CD4: variants seen among roughly 807,000 people sequenced by gnomAD.
CD4 encodes CD4 molecule.
CD4 carries 25 observed loss-of-function variants against 50.5 expected under a neutral mutation model. The ratio of observed to expected loss-of-function variants is 0.49; its 90% CI spans 0.36 to 0.69. The LOEUF (loss-of-function observed/expected upper bound fraction) is 0.69. Among genes scored for constraint, CD4 ranks in the 30% least tolerant of loss-of-function variants. The probability of loss-of-function intolerance (pLI) is 0.00; values close to 1 mark genes in which losing one functional copy is unlikely to be tolerated. For synonymous variants in CD4, 207 were observed against 221.9 expected (o/e 0.93, Z 0.60); for missense variants, 456 against 548.5 (o/e 0.83, Z 1.68).
At chr12:6,819,158 G>A in intron 9 of CD4, 141 bp from the exon 10 acceptor site, 1 of 866,898 alleles carries the variant, frequency 1.2e-6, no homozygotes, top group Non-Finnish European at 1.9e-6. Context: ...GGAGGATGGA[G>A]CTGAAGGAGC....
In CD4 at chr12:6,819,612, T is replaced by C; in HGVS notation, c.*283T>C. ...TCTCTGACCCTCTCCCCACTGCTCA[T>C]TTGGATCCCAGGGGAGTGTTCAGGG... On this transcript the variant is annotated 3_prime_UTR_variant, in exon 10 of 10. Transcript: ENST00000011653. 2.1e-6 allele frequency: 1 copy of C among 485,380 alleles called. No homozygotes were observed. Among genetic ancestry groups the C allele is most frequent in the Non-Finnish European group, 3.7e-6 (1 of 266,770 alleles). The allele number at this position is 485,380 out of a possible 1,614,324, so 30.1% of individuals were successfully genotyped here.
At chr12:6,797,153 G>T (rs743600) in intron 1 of CD4, among the ~76,000 whole-genome samples, 1 of 152,054 alleles carries the variant, frequency 6.6e-6, no homozygotes, top group East Asian at 1.9e-4. Flanking sequence ...TCATGTTGCC[G>T]CTGCTACTGA....
intron 3 of CD4, among the ~76,000 whole-genome samples, chr12:6,812,981 C>T (rs1249386789): frequency 6.6e-6 from 1 of 151,864 alleles, no homozygotes; most frequent in Non-Finnish European, 1.5e-5. Context: ...GATCATAGCT[C>T]ACTGCAGCCT....
intron 7 of CD4, among the ~76,000 whole-genome samples, chr12:6,817,752 CAT>C (rs1555118188): frequency 1.4e-4 from 19 of 139,488 alleles, no homozygotes; most frequent in African/African-American, 5.8e-4. Context: ...CGCACACACT[CAT>C]ACACACACTA....
chr12:6,803,458 TTAA>T (rs1555115687), intron 3 of CD4, among the ~76,000 whole-genome samples: 1 of 149,216 alleles, frequency 6.7e-6, no homozygotes. Flanking sequence ...CAGTGAACAC[TTAA>T]TAATATCTAT....
Position 6,818,811 on chromosome 12 carries a change from G to A in CD4, c.1279-36G>A, listed in dbSNP as rs1555118534. 1 of 1,593,792 alleles carries A rather than the reference G, an allele frequency of 6.3e-7. No individual in the cohort carries two copies. Among genetic ancestry groups the A allele is most frequent in the Non-Finnish European group, 8.6e-7 (1 of 1,161,518 alleles). ...AGGGGCACCTCCCTTCTGGAGGCCT[G>A]GGACCCTCGTGACTCCCTTTCTTGT... On this transcript the variant is annotated intron_variant, in intron 8 of 9. Transcript: ENST00000011653. This position sits in a 1 kb window ranked among gnomAD's most constrained non-coding sequence, Gnocchi z 5.0.
chr12:6,819,057 G>C, intron 9 of CD4, 143 bp downstream of exon 9: 1 of 718,208 alleles, frequency 1.4e-6, no homozygotes, highest in Non-Finnish European at 2.4e-6. Flanking sequence ...GCTGGGAGGG[G>C]TGGAGGTGAG....
chr12:6,799,483 G>A lies in CD4; in HGVS notation c.-67-589G>A, dbSNP rs28917485. On this transcript the variant is annotated intron_variant, in intron 1 of 9. Transcript: ENST00000011653. ...AACCTTAAGTAGCTAATTACTATACGGGGTCATTTTGAGGATATCTTTTCT... is the reference window on the plus strand; with the variant it reads ...AACCTTAAGTAGCTAATTACTATACAGGGTCATTTTGAGGATATCTTTTCT... The A allele has an allele frequency of 4.7e-3, 721 of 152,480 alleles. 2 individuals are homozygous for A. Among genetic ancestry groups the A allele is most frequent in the Middle Eastern group, 0.014 (4 of 294 alleles). The allele number at this position is 152,480 out of a possible 1,614,324, so 9.4% of individuals were successfully genotyped here.
intron 1 of CD4, among the ~76,000 whole-genome samples, chr12:6,793,494 T>C (rs921915598): frequency 5.9e-5 from 9 of 152,170 alleles, no homozygotes; most frequent in African/African-American, 2.2e-4. Flanking sequence ...CTCTTCTCAC[T>C]GCAGCCTTCC....
intron 3 of CD4, among the ~76,000 whole-genome samples, chr12:6,803,028 C>T (rs189505543): frequency 3.3e-5 from 5 of 149,612 alleles, no homozygotes; most frequent in South Asian, 2.1e-4. Context: ...CCACCGCACT[C>T]GGCCTAGACT....
chr12:6,813,852 G>A lies in CD4; in HGVS notation c.215-290G>A, dbSNP rs10774451. 0.38 allele frequency among the ~76,000 whole-genome samples: 57,880 copies of A among 151,928 alleles called. 11,674 individuals carry two copies. The highest frequency in any genetic ancestry group is 0.43 in the Non-Finnish European group (29,012 of 67,944). On this transcript the variant is annotated intron_variant, in intron 3 of 9. Coordinates refer to ENST00000011653, the MANE Select transcript of CD4 (RefSeq NM_000616.5). ...ACAGTGTTGACAGTATCTATTTCTC[G>A]GAATTATTGTGGAGATTACTGAGAT...
intron 1 of CD4, among the ~76,000 whole-genome samples, chr12:6,791,450 A>G (rs2857229): frequency 0.33 from 49,928 of 151,760 alleles, 8,277 homozygotes; most frequent in South Asian, 0.41. Context: ...ACTATGTTGG[A>G]CAGGCTGGCC....
At chr12:6,800,868 G>C in intron 3 of CD4, among the ~76,000 whole-genome samples, 1 of 151,784 alleles carries the variant, frequency 6.6e-6, no homozygotes, top group Non-Finnish European at 1.5e-5. Context: ...AGACCAGCCT[G>C]AACAACATAG....
intron 1 of CD4, among the ~76,000 whole-genome samples, chr12:6,798,172 CT>C (rs1167230229): frequency 1.3e-3 from 176 of 139,384 alleles, no homozygotes; most frequent in Admixed American, 1.4e-3. Context: ...AAGAACTTTT[CT>C]TTTTTTTTTT....
chr12:6,800,909 T>C (rs1282410556), intron 3 of CD4, among the ~76,000 whole-genome samples: 1 of 149,698 alleles, frequency 6.7e-6, no homozygotes, highest in Non-Finnish European at 1.5e-5. Flanking sequence ...AAAAAATATA[T>C]ATATATTTTT....
At position 6,800,386 on chromosome 12, in the gene CD4, T is replaced by C; in HGVS notation, c.129T>C (p.Ala43=). Residue 43 remains alanine (A), a synonymous_variant, in exon 3 of 10, where the codon GCT becomes GCC. Coordinates refer to ENST00000011653, the MANE Select transcript of CD4 (RefSeq NM_000616.5). ...KGDTVELTCT[A]SQKKSIQFHW... ...ATACAGTGGAACTGACCTGTACAGC[T>C]TCCCAGAAGAAGAGCATACAATTCC... 6.2e-7 allele frequency: 1 copy of C among 1,614,070 alleles called. No homozygotes were observed. Among genetic ancestry groups the C allele is most frequent in the Non-Finnish European group, 8.5e-7 (1 of 1,179,930 alleles).
chr12:6,811,743 C>T (rs1308508113), intron 3 of CD4, among the ~76,000 whole-genome samples: 5 of 151,430 alleles, frequency 3.3e-5, no homozygotes, highest in Non-Finnish European at 7.4e-5. Flanking sequence ...AACTCCTGAC[C>T]TCAAGTGATC....
chr12:6,819,356 G>T lies in CD4; in HGVS notation c.*27G>T, dbSNP rs781930565. 1 of 1,612,420 alleles carries T rather than the reference G, an allele frequency of 6.2e-7. No individual in the cohort carries two copies. Among genetic ancestry groups the T allele is most frequent in the South Asian group, 1.1e-5 (1 of 91,034 alleles). ...GCACGAGGCCAGGCAGATCCCACTT[G>T]CAGCCTCCCCAGGTGTCTGCCCCGC... On this transcript the variant is annotated 3_prime_UTR_variant, in exon 10 of 10. Coordinates refer to ENST00000011653, the MANE Select transcript of CD4 (RefSeq NM_000616.5).
At position 6,809,294 on chromosome 12, in the gene CD4, G is replaced by A. The variant is rs28917489; in HGVS notation, c.215-4848G>A. ...CTGGATGACTTGACCTGAGGATTTC[G>A]AGACCAGCCTGGGCAACAGGGCGAA... On this transcript the variant is annotated intron_variant, in intron 3 of 9. Transcript: ENST00000011653. Among the ~76,000 whole-genome samples the A allele has an allele frequency of 1.8e-3, 276 of 152,158 alleles. 1 individual carries two copies. In the South Asian group the frequency reaches 0.022, roughly 12 times the overall value.
Sources: gnomAD v4.1 joint callset for allele counts (sites outside exome capture counted in the v4.1 genomes callset) on GRCh38, gnomAD v4.1.1 for gene constraint, Gnocchi (gnomAD v3.1) non-coding constraint, MANE v1.5 for transcripts, NCBI Gene and HGNC (gene_info 2026-07-23, HGNC 2026-07-21) for gene names.